MLLT10: variants seen among roughly 807,000 people sequenced by gnomAD.
MLLT10 encodes the protein protein AF-10.
MLLT10 carries 30 observed loss-of-function variants against 129.1 expected under a neutral mutation model. That is an observed-to-expected ratio of 0.23 (90% confidence interval 0.17 to 0.32). The LOEUF (loss-of-function observed/expected upper bound fraction) is 0.32, where lower values mean the gene tolerates loss of function less well. Ranked by LOEUF, MLLT10 falls within the 10% of genes least tolerant of loss-of-function variation. The pLI, the probability that MLLT10 is intolerant of heterozygous loss-of-function variation, is 1.00. For synonymous variants in MLLT10, 490 were observed against 446.4 expected (o/e 1.10, Z -1.23); for missense variants, 1,119 against 1,268.3 (o/e 0.88, Z 1.79).
chr10:21,558,510 A>C (rs1158223811), intron 3 of MLLT10, among the ~76,000 whole-genome samples: 2 of 151,868 alleles, frequency 1.3e-5, no homozygotes, highest in Non-Finnish European at 2.9e-5. Context: ...CAGATGAACT[A>C]AATATATGAC....
At chr10:21,714,270 G>A (rs1159411839) in intron 14 of MLLT10, among the ~76,000 whole-genome samples, 1 of 151,716 alleles carries the variant, frequency 6.6e-6, no homozygotes, top group East Asian at 1.9e-4. Context: ...AGCAAGTTTT[G>A]GACTCTTGTG....
chr10:21,652,438 G>A (rs540967310), intron 9 of MLLT10, among the ~76,000 whole-genome samples: 1 of 152,204 alleles, frequency 6.6e-6, no homozygotes, highest in East Asian at 1.9e-4. Flanking sequence ...TGTAAAGTGG[G>A]GGAAATTATT....
chr10:21,695,215 G>T (rs1328049051), intron 13 of MLLT10, among the ~76,000 whole-genome samples: 1 of 151,954 alleles, frequency 6.6e-6, no homozygotes, highest in Non-Finnish European at 1.5e-5. Context: ...GATTACAGGC[G>T]TGTGTCATCA....
intron 3 of MLLT10, among the ~76,000 whole-genome samples, chr10:21,561,502 G>A (rs1444010244): frequency 6.6e-6 from 1 of 152,160 alleles, no homozygotes; most frequent in African/African-American, 2.4e-5. Flanking sequence ...CTCGTGATCC[G>A]CCCACCTCGG....
chr10:21,677,412 TCCAGGA>T (rs2052285973), intron 11 of MLLT10, among the ~76,000 whole-genome samples: 1 of 152,188 alleles, frequency 6.6e-6, no homozygotes, highest in Non-Finnish European at 1.5e-5. Flanking sequence ...GGGACTTGGT[TCCAGGA>T]CCTCCTGCAA....
intron 3 of MLLT10, among the ~76,000 whole-genome samples, chr10:21,550,927 A>AT (rs200972062): frequency 0.049 from 4,960 of 100,800 alleles, 263 homozygotes; most frequent in African/African-American, 0.16. Context: ...TTTATCTTTA[A>AT]TTTTTTTTTT....
chr10:21,708,195 A>G (rs1006500044), intron 13 of MLLT10, among the ~76,000 whole-genome samples: 1 of 152,176 alleles, frequency 6.6e-6, no homozygotes, highest in African/African-American at 2.4e-5. Flanking sequence ...AAGGGAAGAA[A>G]AGGAAAGGAA....
chr10:21,564,122 AT>A (rs916712595), intron 3 of MLLT10, among the ~76,000 whole-genome samples: 4 of 150,350 alleles, frequency 2.7e-5, no homozygotes, highest in African/African-American at 2.4e-5. Context: ...TATTATTATT[AT>A]TTTTTTTTGA....
intron 13 of MLLT10, among the ~76,000 whole-genome samples, chr10:21,683,421 G>A (rs1264195082): frequency 6.6e-6 from 1 of 152,184 alleles, no homozygotes; most frequent in Admixed American, 6.5e-5. Context: ...ATTTGGTAGA[G>A]AAGTGTAAAA....
At chr10:21,618,427 C>T (rs1479022960) in intron 8 of MLLT10, among the ~76,000 whole-genome samples, 2 of 151,896 alleles carry the variant, frequency 1.3e-5, no homozygotes, top group African/African-American at 4.8e-5. Flanking sequence ...CACGCTTGAA[C>T]CCAGGAGGCA....
At position 21,741,959 on chromosome 10, in the gene MLLT10, G is replaced by A. The variant is rs779703214; in HGVS notation, c.3183G>A (p.Gly1061=). Residue 1061 remains glycine (G), a synonymous_variant, in exon 23 of 23, where the codon GGG becomes GGA. Coordinates refer to ENST00000307729, the MANE Select transcript of MLLT10 (RefSeq NM_001195626.3). ...TGCAGAGACTTAGTGATAAAACTGG[G>A]CCTGTAGCTCAAGAGAAAAGTTGAC... is the stretch of plus-strand genomic sequence containing the variant. ...QKVARLSDKT[G]PVAQEKS is the part of the protein sequence containing the mutation. 1 of 1,611,716 alleles carries A rather than the reference G, an allele frequency of 6.2e-7. No individual in the cohort carries two copies. Among genetic ancestry groups the A allele is most frequent in the African/African-American group, 1.3e-5 (1 of 74,866 alleles).
chr10:21,657,718 T>C (rs935909136), intron 9 of MLLT10, among the ~76,000 whole-genome samples: 3 of 152,166 alleles, frequency 2.0e-5, no homozygotes, highest in Admixed American at 2.0e-4. Context: ...CAGAGATACG[T>C]GATCAGGTTT....
intron 8 of MLLT10, chr10:21,624,803 C>G (rs971735007): frequency 1.9e-6 from 2 of 1,080,950 alleles, no homozygotes; most frequent in African/African-American, 3.1e-5. Context: ...CCTGATTGCC[C>G]TGAGATCCAC....
intron 13 of MLLT10, among the ~76,000 whole-genome samples, chr10:21,683,206 G>A (rs762528883): frequency 2.8e-4 from 42 of 152,020 alleles, no homozygotes; most frequent in Admixed American, 1.1e-3. Context: ...TAAGGGTAGG[G>A]GTCGTTAGGG....
chr10:21,577,466 T>C (rs1258824644), intron 3 of MLLT10, among the ~76,000 whole-genome samples: 3 of 150,996 alleles, frequency 2.0e-5, no homozygotes, highest in Non-Finnish European at 4.4e-5. Context: ...TGAAGGTTTT[T>C]TTTTTTTTTT....
At chr10:21,688,200 G>T (rs2053491264) in intron 13 of MLLT10, among the ~76,000 whole-genome samples, 1 of 152,176 alleles carries the variant, frequency 6.6e-6, no homozygotes, top group African/African-American at 2.4e-5. Context: ...CATTGAAACT[G>T]CAAGAGGGGT....
At chr10:21,559,849 C>T (rs921469443) in intron 3 of MLLT10, among the ~76,000 whole-genome samples, 1 of 152,132 alleles carries the variant, frequency 6.6e-6, no homozygotes, top group African/African-American at 2.4e-5. Context: ...TTTATCCATT[C>T]ATCTGTTGAT....
chr10:21,667,959 C>T (rs12781599), intron 9 of MLLT10, among the ~76,000 whole-genome samples: 1 of 152,008 alleles, frequency 6.6e-6, no homozygotes, highest in African/African-American at 2.4e-5. Flanking sequence ...CTGAATTAGC[C>T]TTTTAAAAGA....
At chr10:21,724,347 A>C (rs988380987) in intron 14 of MLLT10, among the ~76,000 whole-genome samples, 1 of 152,230 alleles carries the variant, frequency 6.6e-6, no homozygotes, top group Non-Finnish European at 1.5e-5. Flanking sequence ...CCAAGATGCA[A>C]TGTCATGATG....
Sources: gnomAD v4.1 joint callset for allele counts (sites outside exome capture counted in the v4.1 genomes callset) on GRCh38, gnomAD v4.1.1 for gene constraint, MANE v1.5 for transcripts, NCBI Gene and HGNC (gene_info 2026-07-23, HGNC 2026-07-21) for gene names.